CYP19A1: variants seen among roughly 807,000 people sequenced by gnomAD.
CYP19A1 encodes the protein aromatase.
Under a neutral mutation model 44.4 loss-of-function variants are expected in CYP19A1, and 32 were observed. That is an observed-to-expected ratio of 0.72 (90% CI 0.54 to 0.97). The LOEUF is 0.97. Ranked by LOEUF, CYP19A1 falls within the 50% of genes least tolerant of loss-of-function variation. CYP19A1 has a pLI of 0.00. For synonymous variants in CYP19A1, 212 were observed against 215.6 expected, an observed-to-expected ratio of 0.98 and a Z score of 0.14; for missense variants, 598 against 637.8, an observed-to-expected ratio of 0.94 and a Z score of 0.67.
intron 2 of CYP19A1, 101 bp downstream of exon 2, chr15:51,242,667 C>T: frequency 1.4e-6 from 1 of 740,566 alleles, no homozygotes. Flanking sequence ...GAGATCTTTC[C>T]AGGTTTGCTT....
intron 1 of CYP19A1, among the ~76,000 whole-genome samples, chr15:51,291,262 G>A (rs569478544): frequency 1.1e-4 from 17 of 152,120 alleles, no homozygotes; most frequent in Non-Finnish European, 2.1e-4. Flanking sequence ...TGGTTGCATG[G>A]GCCCAGATGA....
chr15:51,325,012 A>G (rs1034266724), intron 1 of CYP19A1, among the ~76,000 whole-genome samples: 1 of 152,148 alleles, frequency 6.6e-6, no homozygotes, highest in Non-Finnish European at 1.5e-5. Flanking sequence ...GGAACAAAAT[A>G]CCAGTTACAA....
At chr15:51,303,400 A>G (rs1007918792) in intron 1 of CYP19A1, among the ~76,000 whole-genome samples, 3 of 152,084 alleles carry the variant, frequency 2.0e-5, no homozygotes, top group African/African-American at 4.8e-5. Context: ...AAAAAGATAC[A>G]TGTCCTGGAA....
chr15:51,236,436 G>A (rs1161383702), intron 3 of CYP19A1, among the ~76,000 whole-genome samples: 3 of 152,050 alleles, frequency 2.0e-5, no homozygotes, highest in Non-Finnish European at 2.9e-5. Flanking sequence ...GTGATGTCTC[G>A]GGTTTTATTT....
At chr15:51,276,337 G>A (rs1243812467) in intron 1 of CYP19A1, among the ~76,000 whole-genome samples, 1 of 152,108 alleles carries the variant, frequency 6.6e-6, no homozygotes, top group East Asian at 1.9e-4. Flanking sequence ...CTCATGTATA[G>A]ATAAAACTCA....
chr15:51,289,686 A>C (rs756122664), intron 1 of CYP19A1, among the ~76,000 whole-genome samples: 1 of 152,202 alleles, frequency 6.6e-6, no homozygotes, highest in Non-Finnish European at 1.5e-5. Context: ...AATTTGAGGC[A>C]ACCTTGTTAA....
intron 5 of CYP19A1, among the ~76,000 whole-genome samples, chr15:51,219,822 CT>C: frequency 6.6e-6 from 1 of 152,328 alleles, no homozygotes; most frequent in East Asian, 1.9e-4. Flanking sequence ...GAAATCTAGA[CT>C]TTTAAAATAC....
At chr15:51,262,271 C>T (rs1465011108) in intron 1 of CYP19A1, among the ~76,000 whole-genome samples, 1 of 152,208 alleles carries the variant, frequency 6.6e-6, no homozygotes, top group Non-Finnish European at 1.5e-5. Flanking sequence ...CAATACTTAT[C>T]ACTGGCTTGC....
intron 1 of CYP19A1, among the ~76,000 whole-genome samples, chr15:51,275,410 A>G (rs1258738266): frequency 1.3e-5 from 2 of 152,252 alleles, no homozygotes; most frequent in African/African-American, 2.4e-5. Flanking sequence ...TACTAAGACC[A>G]GAGGGATTAT....
chr15:51,215,957 T>C, intron 6 of CYP19A1, 140 bp from the exon 7 acceptor site: 1 of 1,449,090 alleles, frequency 6.9e-7, no homozygotes. Context: ...ATTACTATTT[T>C]ATTTCTTCAT....
chr15:51,320,087 A>G (rs1457307862), intron 1 of CYP19A1: 1 of 152,238 alleles, frequency 6.6e-6, no homozygotes, highest in East Asian at 1.9e-4. Flanking sequence ...CAATGAGTAG[A>G]CCTTTGAGGA....
intron 1 of CYP19A1, among the ~76,000 whole-genome samples, chr15:51,337,106 CTG>C (rs2036789304): frequency 6.6e-6 from 1 of 152,304 alleles, no homozygotes; most frequent in East Asian, 1.9e-4. Flanking sequence ...TTCAAAAGTT[CTG>C]TTCCTCAAAA....
intron 1 of CYP19A1, among the ~76,000 whole-genome samples, chr15:51,320,713 C>T (rs1263370993): frequency 1.3e-5 from 2 of 152,200 alleles, no homozygotes; most frequent in East Asian, 3.8e-4. Context: ...TCCTCTTCCC[C>T]TCTAACCCAG....
At chr15:51,254,492 C>T (rs868652733) in intron 1 of CYP19A1, among the ~76,000 whole-genome samples, 1 of 151,998 alleles carries the variant, frequency 6.6e-6, no homozygotes, top group African/African-American at 2.4e-5. Flanking sequence ...TGTGGCCCCA[C>T]CCCCCTCCAT....
At chr15:51,297,283 C>T (rs1037406876) in intron 1 of CYP19A1, among the ~76,000 whole-genome samples, 3 of 152,206 alleles carry the variant, frequency 2.0e-5, no homozygotes, top group African/African-American at 4.8e-5. Context: ...CCAGCCCTCT[C>T]CCTCATCTCC....
intron 2 of CYP19A1, 120 bp downstream of exon 2, chr15:51,242,648 T>G (rs1038892901): frequency 5.7e-6 from 4 of 705,772 alleles, no homozygotes; most frequent in Non-Finnish European, 1.0e-5. Flanking sequence ...AACACAGACA[T>G]AGTCTTCAGA....
chr15:51,246,245 GTAA>G (rs1289202063), intron 1 of CYP19A1, among the ~76,000 whole-genome samples: 1 of 152,142 alleles, frequency 6.6e-6, no homozygotes, highest in Non-Finnish European at 1.5e-5. Flanking sequence ...CCCTCGGCCA[GTAA>G]TACCCTCCCC....
chr15:51,259,735 G>A (rs1389178660), intron 1 of CYP19A1, among the ~76,000 whole-genome samples: 2 of 152,216 alleles, frequency 1.3e-5, no homozygotes, highest in South Asian at 2.1e-4. Context: ...GAGGTAGAGA[G>A]AAATGCTAGA....
rs182813221 is a variant in CYP19A1, at chr15:51,223,861, T to G, written c.452-1336A>C. Among the ~76,000 whole-genome samples, 288 of 152,150 alleles carry G rather than the reference T, an allele frequency of 1.9e-3. 1 individual carries two copies. Among genetic ancestry groups the G allele is most frequent in the African/African-American group, 6.7e-3 (280 of 41,524 alleles). ...CAAGCAGGACAAATGACTCAACCCT[T>G]TGTGTGGAAGGGTTGGCTTAGAATG... On this transcript the variant is annotated intron_variant, in intron 4 of 9. Transcript: ENST00000396402.
Sources: allele counts gnomAD v4.1 joint callset (sites outside exome capture counted in the v4.1 genomes callset), GRCh38; gene constraint gnomAD v4.1.1; transcripts MANE v1.5; gene names NCBI Gene and HGNC (gene_info 2026-07-23, HGNC 2026-07-21).